Variants in DPP6 observed in about 807,000 individuals in gnomAD.
The protein encoded by DPP6 is A-type potassium channel modulatory protein DPP6.
DPP6 carries 69 observed loss-of-function variants against 122.6 expected under a neutral mutation model. That is an observed-to-expected ratio of 0.56 (90% CI 0.46 to 0.69). The LOEUF is 0.69. DPP6 is among the 30% of genes least tolerant of loss of function. DPP6 has a pLI of 0.00. For missense variants in DPP6, 928 were observed against 1,116.9 expected, an observed-to-expected ratio of 0.83 and a Z score of 2.41; for synonymous variants, 418 against 433.1, an observed-to-expected ratio of 0.97 and a Z score of 0.43.
At chr7:154,449,749 C>T (rs1030264287) in intron 2 of DPP6, among the ~76,000 whole-genome samples, 1 of 151,920 alleles carries the variant, frequency 6.6e-6, no homozygotes, top group Non-Finnish European at 1.5e-5. Context: ...GGCTCACACC[C>T]ATAATCCCAG....
chr7:153,822,334 C>A, the DPP6 span, among the ~76,000 whole-genome samples: 1,020 of 151,872 alleles, frequency 6.7e-3, 5 homozygotes, highest in African/African-American at 0.021. Context: ...GGACTACAGG[C>A]GCACGCCACC....
At chr7:154,010,164 T>C (rs938836554) in intron 1 of DPP6, among the ~76,000 whole-genome samples, 3 of 152,202 alleles carry the variant, frequency 2.0e-5, no homozygotes, top group Admixed American at 1.3e-4. Flanking sequence ...TTCTTGTCTT[T>C]AGTCAAAAGC....
chr7:153,816,150 C>T, the DPP6 span, among the ~76,000 whole-genome samples: 1 of 151,612 alleles, frequency 6.6e-6, no homozygotes, highest in Non-Finnish European at 1.5e-5. Context: ...ATTATTATCT[C>T]AACAAAAATA....
chr7:154,703,225 A>C (rs1279356507), intron 7 of DPP6, among the ~76,000 whole-genome samples: 1 of 152,256 alleles, frequency 6.6e-6, no homozygotes, highest in Non-Finnish European at 1.5e-5. Context: ...AAGGAGATGC[A>C]CAAGGAGATA....
chr7:154,458,564 A>C (rs1013496939), intron 2 of DPP6, among the ~76,000 whole-genome samples: 6 of 152,152 alleles, frequency 3.9e-5, no homozygotes, highest in Non-Finnish European at 4.4e-5. Context: ...CTGATTTTAG[A>C]CTTCCAGTCT....
chr7:154,337,001 A>G (rs6969746), intron 1 of DPP6, among the ~76,000 whole-genome samples: 21,753 of 152,150 alleles, frequency 0.14, 4,386 homozygotes, highest in African/African-American at 0.45. Flanking sequence ...ATCTGATGAT[A>G]TTATCCGGGG....
At position 154,052,945 on chromosome 7, in the gene DPP6, A is replaced by G; in HGVS notation, c.125A>G (p.Lys42Arg). 4 of 1,342,244 alleles carry G rather than the reference A, an allele frequency of 3.0e-6. No homozygotes were observed. 83.1% of individuals were successfully genotyped at this position (1,342,244 alleles called of 1,614,324 possible). A position where few individuals can be genotyped will look rare whatever the true frequency, so the allele number is the denominator to read the frequency against. Residue 42 changes from lysine (K) to arginine (R), a missense_variant, in exon 1 of 26, where the codon AAG (lysine) becomes AGG (arginine). Transcript: ENST00000377770. This position sits in a 1 kb window ranked among gnomAD's most constrained non-coding sequence, Gnocchi z 4.8. ...GAGGAGGACGGCGGCGCAGGAGCCA[A>G]GCCCCTCGGCCCGCGGGCGCAGGCG... ...GPEEDGGAGA[K>R]PLGPRAQAAA... is the part of the protein sequence containing the mutation.
chr7:154,818,921 T>C (rs1799589031), intron 16 of DPP6, among the ~76,000 whole-genome samples: 1 of 152,210 alleles, frequency 6.6e-6, no homozygotes, highest in African/African-American at 2.4e-5. Context: ...CAGTAAATGC[T>C]ACCAGACACC....
chr7:154,477,731 A>G (rs76272740), intron 3 of DPP6, among the ~76,000 whole-genome samples: 1,937 of 152,296 alleles, frequency 0.013, 55 homozygotes, highest in East Asian at 0.12. Flanking sequence ...TAATACACGC[A>G]ATTGAGACGT....
At chr7:154,768,478 T>G (rs183005693) in intron 8 of DPP6, among the ~76,000 whole-genome samples, 1 of 152,308 alleles carries the variant, frequency 6.6e-6, no homozygotes, top group East Asian at 1.9e-4. Context: ...TAATCATTAT[T>G]TTAGAAGCAA....
At chr7:154,521,040 G>T (rs928390177) in intron 3 of DPP6, among the ~76,000 whole-genome samples, 3 of 152,066 alleles carry the variant, frequency 2.0e-5, no homozygotes, top group Non-Finnish European at 4.4e-5. Context: ...TCTAAGTGAG[G>T]TTTTTTAAAT....
chr7:154,886,612 C>T (rs1353412439), intron 22 of DPP6, among the ~76,000 whole-genome samples: 1 of 152,210 alleles, frequency 6.6e-6, no homozygotes, highest in East Asian at 1.9e-4. Flanking sequence ...GCTGTTCCCT[C>T]CAGCTGTCCC....
At chr7:154,704,562 T>C (rs1240358224) in intron 7 of DPP6, among the ~76,000 whole-genome samples, 1 of 152,144 alleles carries the variant, frequency 6.6e-6, no homozygotes, top group African/African-American at 2.4e-5. Context: ...TTTTAAGAAA[T>C]TACCAGTTAT....
intron 25 of DPP6, chr7:154,891,379 A>G (rs1174757223): frequency 6.6e-6 from 1 of 152,232 alleles, no homozygotes; most frequent in Non-Finnish European, 1.5e-5. Flanking sequence ...GAATGAGCCC[A>G]CATTCCAGGC....
chr7:154,279,236 A>AT (rs1804347689), intron 1 of DPP6, among the ~76,000 whole-genome samples: 2 of 152,000 alleles, frequency 1.3e-5, no homozygotes, highest in East Asian at 1.9e-4. Context: ...TTGTGTGCAT[A>AT]TATGTGTGTG....
the DPP6 span, among the ~76,000 whole-genome samples, chr7:153,848,310 C>A: frequency 4.7e-5 from 7 of 149,458 alleles, no homozygotes; most frequent in Non-Finnish European, 1.0e-4. Flanking sequence ...CAGTCCTGCA[C>A]GTGGATGATT....
chr7:154,411,604 A>G (rs972415253), intron 1 of DPP6, among the ~76,000 whole-genome samples: 9 of 152,156 alleles, frequency 5.9e-5, no homozygotes, highest in Non-Finnish European at 7.3e-5. Flanking sequence ...ACCCAAATCT[A>G]TATGATAACT....
In DPP6 at chr7:154,627,000, C is replaced by CTTTTTTTTT. The variant is rs552919287; in HGVS notation, c.628-10798_628-10790dup. ...ATCTGGGGTCCATTAGAAATTTTTTCTTTTTTTTTTTTTTTTTTTTTTTTT... is the reference window on the plus strand; with the variant it reads ...ATCTGGGGTCCATTAGAAATTTTTTCTTTTTTTTTTTTTTTTTTTTTTTTTTTTTTTTTT... On this transcript the variant is annotated intron_variant, in intron 5 of 25. Coordinates refer to ENST00000377770, the MANE Select transcript of DPP6 (RefSeq NM_130797.4). Among the ~76,000 whole-genome samples, 112 of 52,124 alleles carry CTTTTTTTTT rather than the reference C, an allele frequency of 2.1e-3. 10 individuals are homozygous for CTTTTTTTTT. Among genetic ancestry groups the CTTTTTTTTT allele is most frequent in the Non-Finnish European group, 2.7e-3 (79 of 29,810 alleles). The allele number at this position is 52,124 out of a possible 152,430, so 34.2% of individuals were successfully genotyped here.
chr7:154,201,249 T>C (rs1330332619), intron 1 of DPP6, among the ~76,000 whole-genome samples: 2 of 152,088 alleles, frequency 1.3e-5, no homozygotes, highest in African/African-American at 4.8e-5. Context: ...TGCCTCAGCC[T>C]GCCGAGTAGC....
Sources: gnomAD v4.1 joint callset for allele counts (sites outside exome capture counted in the v4.1 genomes callset) on GRCh38, gnomAD v4.1.1 for gene constraint, Gnocchi (gnomAD v3.1) non-coding constraint, MANE v1.5 for transcripts, NCBI Gene and HGNC (gene_info 2026-07-23, HGNC 2026-07-21) for gene names.